Variants in FSTL4 observed in about 807,000 individuals in gnomAD.
The protein encoded by FSTL4 is follistatin-related protein 4.
In FSTL4, 28 loss-of-function variants were observed where a neutral mutation model predicts 78.2. The observed-to-expected ratio is 0.36, with a 90% CI of 0.27 to 0.49. The LOEUF is 0.49. FSTL4 is among the 20% of genes least tolerant of loss of function. The pLI, the probability that FSTL4 is intolerant of heterozygous loss-of-function variation, is 0.98. For synonymous variants in FSTL4, 422 were observed against 440.5 expected (o/e 0.96, Z 0.53); for missense variants, 922 against 1,084.9 (o/e 0.85, Z 2.11).
chr5:133,729,719 G>A, the FSTL4 span, among the ~76,000 whole-genome samples: 256 of 152,080 alleles, frequency 1.7e-3, no homozygotes, highest in Middle Eastern at 0.01. Context: ...ACTAAATGAG[G>A]GAGAAGAGAA....
At chr5:133,698,624 T>C in the FSTL4 span, among the ~76,000 whole-genome samples, 1 of 152,254 alleles carries the variant, frequency 6.6e-6, no homozygotes, top group East Asian at 1.9e-4. Flanking sequence ...CTATTACAAG[T>C]GATAATGCGT....
chr5:133,299,558 T>C (rs1753484082), intron 6 of FSTL4, among the ~76,000 whole-genome samples: 1 of 152,186 alleles, frequency 6.6e-6, no homozygotes, highest in Admixed American at 6.5e-5. Flanking sequence ...GAGAGCTGAC[T>C]CTGGGTCTGG....
the FSTL4 span, among the ~76,000 whole-genome samples, chr5:133,680,441 C>T: frequency 4.6e-5 from 7 of 152,320 alleles, no homozygotes; most frequent in Non-Finnish European, 7.4e-5. Context: ...CACTCTCATA[C>T]CCCCTCCTTC....
intron 3 of FSTL4, among the ~76,000 whole-genome samples, chr5:133,546,911 A>G (rs1264785839): frequency 2.0e-5 from 3 of 152,202 alleles, no homozygotes; most frequent in Non-Finnish European, 4.4e-5. Context: ...CATGAAGAAT[A>G]CAAGAGATAT....
chr5:133,667,900 G>C, the FSTL4 span, among the ~76,000 whole-genome samples: 4 of 152,238 alleles, frequency 2.6e-5, no homozygotes, highest in African/African-American at 9.6e-5. Flanking sequence ...GCACACAGTA[G>C]ACAATAAACA....
Position 133,611,743 on chromosome 5 carries a change from G to A in FSTL4, c.-11+582C>T, listed in dbSNP as rs919592208. On this transcript the variant is annotated intron_variant, in intron 1 of 15. Coordinates refer to ENST00000265342, the MANE Select transcript of FSTL4 (RefSeq NM_015082.2). The surrounding 1 kb of genome is among the most constrained non-coding windows in gnomAD (Gnocchi z 4.9). ...CCCAGCCTCACATGCGGCGGACCCC[G>A]GGGAAGCCAGGGCCAGGCGAAGCGC... Among the ~76,000 whole-genome samples, 1 of 152,154 alleles carries A rather than the reference G, an allele frequency of 6.6e-6. No homozygotes were observed. The highest frequency in any genetic ancestry group is 1.5e-5 in the Non-Finnish European group (1 of 68,022).
upstream of FSTL4, among the ~76,000 whole-genome samples, chr5:133,616,458 G>C (rs1290968701): frequency 6.6e-6 from 1 of 152,012 alleles, no homozygotes; most frequent in East Asian, 1.9e-4. Context: ...CTGGAGTCCA[G>C]TGGTGGGATC....
the FSTL4 span, among the ~76,000 whole-genome samples, chr5:133,777,737 T>C: frequency 6.6e-6 from 1 of 152,220 alleles, no homozygotes; most frequent in Non-Finnish European, 1.5e-5. Flanking sequence ...TGTATACATA[T>C]CTAGCTAAGG....
At chr5:133,686,007 T>A in the FSTL4 span, among the ~76,000 whole-genome samples, 1 of 152,234 alleles carries the variant, frequency 6.6e-6, no homozygotes, top group Non-Finnish European at 1.5e-5. Flanking sequence ...CATTCATTAC[T>A]GTGAAACTGC....
upstream of FSTL4, among the ~76,000 whole-genome samples, chr5:133,616,272 A>G (rs1360999957): frequency 5.9e-5 from 9 of 151,432 alleles, no homozygotes; most frequent in Admixed American, 4.6e-4. Flanking sequence ...CTGTTTTCCA[A>G]CTCACCAGTA....
At chr5:133,446,355 G>C (rs189533178) in intron 3 of FSTL4, among the ~76,000 whole-genome samples, 6 of 152,322 alleles carry the variant, frequency 3.9e-5, no homozygotes, top group African/African-American at 1.4e-4. Context: ...CAGGAGAATC[G>C]CCTGAATCCA....
chr5:133,839,416 C>T, the FSTL4 span, among the ~76,000 whole-genome samples: 1 of 152,178 alleles, frequency 6.6e-6, no homozygotes, highest in Non-Finnish European at 1.5e-5. Context: ...CATATTCTTT[C>T]CCCCTCTTCC....
At chr5:133,373,434 A>G (rs1364877627) in intron 4 of FSTL4, among the ~76,000 whole-genome samples, 1 of 152,242 alleles carries the variant, frequency 6.6e-6, no homozygotes, top group East Asian at 1.9e-4. Context: ...TGTGAAATCC[A>G]TGAGTAACAC....
At chr5:133,550,036 C>T (rs1241281246) in intron 3 of FSTL4, among the ~76,000 whole-genome samples, 1 of 152,136 alleles carries the variant, frequency 6.6e-6, no homozygotes, top group Admixed American at 6.5e-5. Flanking sequence ...CTCTTGAGGT[C>T]GTAACAATCA....
At chr5:133,290,589 C>T (rs535061885) in intron 6 of FSTL4, among the ~76,000 whole-genome samples, 12 of 152,314 alleles carry the variant, frequency 7.9e-5, no homozygotes, top group Non-Finnish European at 1.5e-4. Flanking sequence ...TATCTGAAGC[C>T]CCTGAATTTT....
rs188574606 is a variant in FSTL4, at chr5:133,297,428, C to T, written c.727+15226G>A. 3.9e-3 allele frequency among the ~76,000 whole-genome samples: 591 copies of T among 152,264 alleles called. 2 individuals are homozygous for T. Among genetic ancestry groups the T allele is most frequent in the Middle Eastern group, 0.014 (4 of 294 alleles). ...CCTCATCAGATGTGCTGATGGAGTG[C>T]TGGAGCCATCATGCATGGGTTGGAA... On this transcript the variant is annotated intron_variant, in intron 6 of 15. Coordinates refer to ENST00000265342, the MANE Select transcript of FSTL4 (RefSeq NM_015082.2).
the FSTL4 span, among the ~76,000 whole-genome samples, chr5:133,710,110 T>C: frequency 6.6e-6 from 1 of 152,192 alleles, no homozygotes; most frequent in African/African-American, 2.4e-5. Context: ...GTCAGCCCAC[T>C]GCACGGGAAG....
chr5:133,277,701 T>C (rs1752914101), intron 6 of FSTL4, among the ~76,000 whole-genome samples: 1 of 152,148 alleles, frequency 6.6e-6, no homozygotes, highest in Non-Finnish European at 1.5e-5. Context: ...GGGTGGCCCC[T>C]GATGCTCTGG....
chr5:133,622,588 C>T, the FSTL4 span, among the ~76,000 whole-genome samples: 1 of 152,146 alleles, frequency 6.6e-6, no homozygotes, highest in Non-Finnish European at 1.5e-5. Flanking sequence ...TGCATCCTTG[C>T]CTGCATTTGG....
Sources: allele counts gnomAD v4.1 joint callset (sites outside exome capture counted in the v4.1 genomes callset), GRCh38; gene constraint gnomAD v4.1.1; non-coding constraint Gnocchi (gnomAD v3.1); transcripts MANE v1.5; gene names NCBI Gene and HGNC (gene_info 2026-07-23, HGNC 2026-07-21).